Variants in ICAM5 observed in about 807,000 individuals in gnomAD.
ICAM5 encodes the protein intercellular adhesion molecule 5.
A neutral mutation model predicts 78.8 loss-of-function variants in ICAM5; 38 were observed. The observed-to-expected ratio is 0.48, with a 90% confidence interval of 0.37 to 0.63. The LOEUF is 0.63. Among genes scored for constraint, ICAM5 ranks in the 30% least tolerant of loss-of-function variants. The pLI, the probability that ICAM5 is intolerant of heterozygous loss-of-function variation, is 0.00. For synonymous variants in ICAM5, 544 were observed against 590.9 expected, an observed-to-expected ratio of 0.92 and a Z score of 1.15; for missense variants, 1,059 against 1,303.0, an observed-to-expected ratio of 0.81 and a Z score of 2.88.
rs1159127684 is a variant in ICAM5, at chr19:10,294,011, G to A, written c.1712-29G>A. 1 of 1,589,126 alleles carries A rather than the reference G, an allele frequency of 6.3e-7. No homozygotes were observed. Among genetic ancestry groups the A allele is most frequent in the Admixed American group, 1.7e-5 (1 of 58,390 alleles). Reference sequence around the variant, plus strand: ...ACCCCGGCTGGACTTCCTGGCCCCCGTGTGAGCCCCTGCAATCCTGTTTCC... The same window carrying A: ...ACCCCGGCTGGACTTCCTGGCCCCCATGTGAGCCCCTGCAATCCTGTTTCC... On this transcript the variant is annotated intron_variant, in intron 7 of 10. Transcript: ENST00000221980. This position sits in a 1 kb window ranked among gnomAD's most constrained non-coding sequence, Gnocchi z 7.7.
At position 10,292,197 on chromosome 19, in the gene ICAM5, G is replaced by T; in HGVS notation, c.836G>T (p.Gly279Val). 1 of 1,613,322 alleles carries T rather than the reference G, an allele frequency of 6.2e-7. No individual in the cohort carries two copies. Among genetic ancestry groups the T allele is most frequent in the Non-Finnish European group, 8.5e-7 (1 of 1,180,038 alleles). Residue 279 changes from glycine to valine, a missense_variant, in exon 4 of 11, where the codon GGG (glycine) becomes GTG (valine). Around this residue, in one of 3 missense-constraint regions of ICAM5, gnomAD observed 815 missense variants for 952.8 expected, o/e 0.86. Coordinates refer to ENST00000221980, the MANE Select transcript of ICAM5 (RefSeq NM_003259.4). Reference sequence around the variant, plus strand: ...CTGAGTCCTGATGTCACCCTCGAAGGGGACGCATTCGTGGCCACTGCCACA... The same window carrying T: ...CTGAGTCCTGATGTCACCCTCGAAGTGGACGCATTCGTGGCCACTGCCACA... ...QNLSPDVTLE[G>V]DAFVATATAT...
Position 10,291,786 on chromosome 19 carries a change from C to T in ICAM5, c.650C>T (p.Ala217Val). 4 of 1,611,024 alleles carry T rather than the reference C, an allele frequency of 2.5e-6. No individual in the cohort carries two copies. Among genetic ancestry groups the T allele is most frequent in the Middle Eastern group, 3.3e-4 (2 of 6,042 alleles). ...CTGGGACTGTTTGAAAACAGCTCGG[C>T]CCCCAGAGAGCTCCGAACCTTCTGT... is the stretch of plus-strand genomic sequence containing the variant. ...HGLGLFENSS[A>V]PRELRTFSLS... The change falls in exon 3 of 11, where the codon GCC (alanine) becomes GTC (valine). Residue 217 changes from alanine (A) to valine (V), a missense_variant. By Grantham distance (64) the Ala-to-Val change is moderately conservative. Transcript: ENST00000221980.
chr19:10,290,013 C>T lies in ICAM5; in HGVS notation c.-31C>T. The T allele has an allele frequency of 6.5e-7, 1 of 1,530,074 alleles. No homozygotes were observed. The highest frequency in any genetic ancestry group is 2.5e-5 in the East Asian group (1 of 40,460). 94.8% of individuals were successfully genotyped at this position (1,530,074 alleles called of 1,614,324 possible). On this transcript the variant is annotated 5_prime_UTR_variant, in exon 1 of 11. Coordinates refer to ENST00000221980, the MANE Select transcript of ICAM5 (RefSeq NM_003259.4). This position sits in a 1 kb window ranked among gnomAD's most constrained non-coding sequence, Gnocchi z 5.7. ...AGCCCAGCTCCTCGGCTCGCGCTCT[C>T]CTCGCCTCCTGTGCTTTCCCCGCCG...
chr19:10,296,570 C>T lies in ICAM5; in HGVS notation c.2729C>T (p.Ser910Leu). 2 of 1,219,144 alleles carry T rather than the reference C, an allele frequency of 1.6e-6. No individual in the cohort carries two copies. The highest frequency in any genetic ancestry group is 2.1e-6 in the Non-Finnish European group (2 of 972,642). 75.5% of individuals were successfully genotyped at this position (1,219,144 alleles called of 1,614,324 possible). A position where few individuals can be genotyped will look rare whatever the true frequency, so the allele number is the denominator to read the frequency against. ...GAGGCGGCGGGGGGCGCGGCCGAGTCGCCGGCGGAGGGCGAGGTCTTCGCC... is the reference window on the plus strand; with the variant it reads ...GAGGCGGCGGGGGGCGCGGCCGAGTTGCCGGCGGAGGGCGAGGTCTTCGCC... ...GPEAAGGAAE[S>L]PAEGEVFAIQ... Residue 910 changes from serine to leucine, a missense_variant, in exon 11 of 11, where the codon TCG becomes TTG. By Grantham distance (145) the Ser-to-Leu change is moderately radical (BLOSUM62 -2). Transcript: ENST00000221980.
chr19:10,292,348 G>C lies in ICAM5; in HGVS notation c.961+26G>C, dbSNP rs551442855. On this transcript the variant is annotated intron_variant, in intron 4 of 10. Coordinates refer to ENST00000221980, the MANE Select transcript of ICAM5 (RefSeq NM_003259.4). ...GTAAGGAAGGAGGCGGGGTCTCCGCGGCTCCGAGGTGGGACCAGAGGAATG... is the reference window on the plus strand; with the variant it reads ...GTAAGGAAGGAGGCGGGGTCTCCGCCGCTCCGAGGTGGGACCAGAGGAATG... 2.8e-5 allele frequency: 44 copies of C among 1,558,202 alleles called. No individual in the cohort carries two copies. In the East Asian group the frequency reaches 9.8e-4, roughly 35 times the overall value.
chr19:10,295,755 T>G (rs12972990), intron 10 of ICAM5, 143 bp downstream of exon 10: 389,071 of 961,720 alleles, frequency 0.4, 83,192 homozygotes, highest in Admixed American at 0.53. Flanking sequence ...AAAGGTGCCT[T>G]AGCGGGTGGG....
At chr19:10,292,948 G>T (rs1404683901) in intron 5 of ICAM5, 50 bp from the exon 6 acceptor site, 1 of 1,608,164 alleles carries the variant, frequency 6.2e-7, no homozygotes, top group Admixed American at 1.7e-5. Flanking sequence ...TCGTGGAGGC[G>T]GAGCCATTTC....
chr19:10,290,344 G>C lies in ICAM5; in HGVS notation c.82+219G>C. 2.0e-6 allele frequency: 1 copy of C among 488,312 alleles called. No individual in the cohort carries two copies. The highest frequency in any genetic ancestry group is 3.6e-6 in the Non-Finnish European group (1 of 276,528). 30.2% of individuals were successfully genotyped at this position (488,312 alleles called of 1,614,324 possible). ...AGCCCCTACCCGCTTCGAGATCCTA[G>C]GTGTTCTTCCGCACCCAACCCTTCG... is the stretch of plus-strand genomic sequence containing the variant. On this transcript the variant is annotated intron_variant, in intron 1 of 10. Transcript: ENST00000221980. The surrounding 1 kb of genome is among the most constrained non-coding windows in gnomAD (Gnocchi z 5.7).
chr19:10,296,237 C>T (rs2040219144), intron 10 of ICAM5, 102 bp from the exon 11 acceptor site: 2 of 1,130,000 alleles, frequency 1.8e-6, no homozygotes, highest in Non-Finnish European at 2.2e-6. Flanking sequence ...CAGTGAGCTC[C>T]CCGGGGCATG....
intron 2 of ICAM5, 54 bp downstream of exon 2, chr19:10,291,395 C>A (rs2040170997): frequency 1.2e-6 from 2 of 1,605,718 alleles, no homozygotes; most frequent in Non-Finnish European, 1.7e-6. Context: ...CCTCCCAGGC[C>A]CCGCCCCCTG....
intron 4 of ICAM5, 98 bp downstream of exon 4, chr19:10,292,420 G>A (rs2040181543): frequency 2.9e-6 from 4 of 1,400,224 alleles, no homozygotes; most frequent in Non-Finnish European, 3.8e-6. Flanking sequence ...CGGAACAGGC[G>A]TGGCCCGAGG....
chr19:10,292,038 T>C lies in ICAM5; in HGVS notation c.677T>C (p.Leu226Pro). The C allele has an allele frequency of 6.2e-7, 1 of 1,611,478 alleles. No homozygotes were observed. Among genetic ancestry groups the C allele is most frequent in the Non-Finnish European group, 8.5e-7 (1 of 1,178,552 alleles). Residue 226 changes from leucine to proline, a missense_variant, in exon 4 of 11, where the codon CTG becomes CCG. By Grantham distance (98) the Leu-to-Pro change is moderately conservative. Coordinates refer to ENST00000221980, the MANE Select transcript of ICAM5 (RefSeq NM_003259.4). ...AACTTGGTTCTTCGACCCCTAGCCC[T>C]GTCTCCGGATGCCCCGCGCCTCGCT... is the stretch of plus-strand genomic sequence containing the variant. Reference protein sequence around the residue: ...SAPRELRTFSLSPDAPRLAAP... With the variant: ...SAPRELRTFSPSPDAPRLAAP...
Position 10,292,276 on chromosome 19 carries a change from C to T in ICAM5, c.915C>T (p.Thr305=), listed in dbSNP as rs750540023. 39 of 1,612,096 alleles carry T rather than the reference C, an allele frequency of 2.4e-5. No individual in the cohort carries two copies. Among genetic ancestry groups the T allele is most frequent in the Admixed American group, 3.3e-5 (2 of 59,938 alleles). ...EGARQLVCNV[T]LGGENRETRE... Reference sequence around the variant, plus strand: ...CCAGGCAGCTGGTCTGCAACGTCACCCTGGGGGGCGAAAACCGGGAGACCC... The same window carrying T: ...CCAGGCAGCTGGTCTGCAACGTCACTCTGGGGGGCGAAAACCGGGAGACCC... Residue 305 remains threonine (T), a synonymous_variant, in exon 4 of 11, where the codon ACC becomes ACT. Transcript: ENST00000221980.
Position 10,294,549 on chromosome 19 carries a change from G to A in ICAM5, c.2139G>A (p.Gln713=), listed in dbSNP as rs762187540. Reference sequence around the variant, plus strand: ...AAGGCATCCCATGGCCTGAGCAGCAGCGCGTGTCCCGAGAGGACGCGGGCA... The same window carrying A: ...AAGGCATCCCATGGCCTGAGCAGCAACGCGTGTCCCGAGAGGACGCGGGCA... ...SREGIPWPEQ[Q]RVSREDAGTY... is the part of the protein sequence containing the mutation. Residue 713 remains glutamine, a synonymous_variant, in exon 9 of 11, where the codon CAG becomes CAA. Transcript: ENST00000221980. The surrounding 1 kb of genome is among the most constrained non-coding windows in gnomAD (Gnocchi z 7.7). 1 of 1,612,406 alleles carries A rather than the reference G, an allele frequency of 6.2e-7. No homozygotes were observed. Among genetic ancestry groups the A allele is most frequent in the Non-Finnish European group, 8.5e-7 (1 of 1,179,410 alleles).
In ICAM5 at chr19:10,295,532, G is replaced by A; in HGVS notation, c.2417G>A (p.Gly806Glu). Residue 806 changes from glycine (G) to glutamate (E), a missense_variant, in exon 10 of 11, where the codon GGA (glycine) becomes GAA (glutamate). By Grantham distance (98) the Gly-to-Glu change is moderately conservative. Around this residue, in one of 3 missense-constraint regions of ICAM5, gnomAD observed 135 missense variants for 230.2 expected, o/e 0.59. Coordinates refer to ENST00000221980, the MANE Select transcript of ICAM5 (RefSeq NM_003259.4). ...NSTLSVAGAM[G>E]SHGGEYECAA... ...ACACTGAGCGTGGCAGGCGCCATGG[G>A]AAGCCACGGCGGCGAGTACGAGTGC... 6.4e-7 allele frequency: 1 copy of A among 1,550,966 alleles called. No individual in the cohort carries two copies.
At position 10,290,537 on chromosome 19, in the gene ICAM5, G is replaced by GC. The variant is rs879839925; in HGVS notation, c.82+413dup. 9.4e-6 allele frequency: 2 copies of GC among 212,068 alleles called. No homozygotes were observed. The highest frequency in any genetic ancestry group is 1.9e-5 in the Non-Finnish European group (2 of 106,630). The allele number at this position is 212,068 out of a possible 1,614,324, so 13.1% of individuals were successfully genotyped here. A position where few individuals can be genotyped will look rare whatever the true frequency, so the allele number is the denominator to read the frequency against. On this transcript the variant is annotated intron_variant, in intron 1 of 10. Coordinates refer to ENST00000221980, the MANE Select transcript of ICAM5 (RefSeq NM_003259.4). The surrounding 1 kb of genome is among the most constrained non-coding windows in gnomAD (Gnocchi z 5.7). ...TGTTCCCGCTCCACCCAGAGCCCTG[G>GC]CAACCGGGTCCCTCAGCTGTTCCCG...
rs1340237168 is a variant in ICAM5 at position 10,293,158 on chromosome 19, A to G, written c.1377A>G (p.Pro459=). Residue 459 remains proline (P), a synonymous_variant, in exon 6 of 11, where the codon CCA becomes CCG. Transcript: ENST00000221980. The surrounding 1 kb of genome is among the most constrained non-coding windows in gnomAD (Gnocchi z 5.0). Reference sequence around the variant, plus strand: ...TGCTGGCTCTGGGCCTGCTGGGTCCAGTCACTCGGGCGCTCTCAGGCACTT... The same window carrying G: ...TGCTGGCTCTGGGCCTGCTGGGTCCGGTCACTCGGGCGCTCTCAGGCACTT... ...GAVLALGLLG[P]VTRALSGTYR... is the part of the protein sequence containing the mutation. The G allele has an allele frequency of 1.2e-6, 2 of 1,611,492 alleles. No homozygotes were observed.
chr19:10,295,397 C>T lies in ICAM5; in HGVS notation c.2282C>T (p.Pro761Leu). The change falls in exon 10 of 11, where the codon CCA (proline) becomes CTA (leucine). Residue 761 changes from proline (P) to leucine (L), a missense_variant. By Grantham distance (98) the Pro-to-Leu change is moderately conservative (BLOSUM62 -3). This residue lies in a region of ICAM5 where 135 missense variants were observed against 230.2 expected (regional missense o/e 0.59). Coordinates refer to ENST00000221980, the MANE Select transcript of ICAM5 (RefSeq NM_003259.4). The part of the protein sequence containing the change: ...LAASPPGGVR[P>L]GGNFTLTCRA... ...GCCTCGCCCCCTGGAGGCGTGCGCC[C>T]AGGAGGAAACTTCACGTTGACCTGC... 1 of 1,603,070 alleles carries T rather than the reference C, an allele frequency of 6.2e-7. No individual in the cohort carries two copies. Among genetic ancestry groups the T allele is most frequent in the Non-Finnish European group, 8.5e-7 (1 of 1,176,674 alleles).
chr19:10,292,261 G>C lies in ICAM5; in HGVS notation c.900G>C (p.Leu300=), dbSNP rs370726702. The C allele has an allele frequency of 1.5e-5, 24 of 1,612,674 alleles. No homozygotes were observed. In the African/African-American group the frequency reaches 2.5e-4, roughly 17 times the overall value. The change falls in exon 4 of 11, where the codon CTG becomes CTC. Residue 300 remains leucine (L), a synonymous_variant. Transcript: ENST00000221980. ...ASAEQEGARQ[L]VCNVTLGGEN... ...CAGAGCAGGAGGGTGCCAGGCAGCT[G>C]GTCTGCAACGTCACCCTGGGGGGCG...
Sources: gnomAD v4.1 joint callset for allele counts on GRCh38, gnomAD v4.1.1 for gene constraint, gnomAD v4.1.1 regional missense constraint, Gnocchi (gnomAD v3.1) non-coding constraint, MANE v1.5 for transcripts, NCBI Gene and HGNC (gene_info 2026-07-23, HGNC 2026-07-21) for gene names.